SLC4A2: variants seen among roughly 807,000 people sequenced by gnomAD.
SLC4A2 encodes anion exchange protein 2.
A neutral mutation model predicts 115.0 loss-of-function variants in SLC4A2; 36 were observed. The ratio of observed to expected loss-of-function variants is 0.31; its 90% CI spans 0.24 to 0.41. SLC4A2 has a LOEUF of 0.41. Among genes scored for constraint, SLC4A2 ranks in the 10% least tolerant of loss-of-function variants. The pLI, the probability that SLC4A2 is intolerant of heterozygous loss-of-function variation, is 1.00. For synonymous variants in SLC4A2, 708 were observed against 708.3 expected (o/e 1.00, Z 0.01); for missense variants, 1,252 against 1,705.6 (o/e 0.73, Z 4.68).
At position 151,071,033 on chromosome 7, in the gene SLC4A2, T is replaced by C; in HGVS notation, c.1750-39T>C. ...CCTCAGCTCCAGGCCCTCAGCCCTCTTCTTTGTGCTCTCCCCCATCCCCAT... is the reference window on the plus strand; with the variant it reads ...CCTCAGCTCCAGGCCCTCAGCCCTCCTCTTTGTGCTCTCCCCCATCCCCAT... On this transcript the variant is annotated intron_variant, in intron 12 of 22. Transcript: ENST00000413384. The surrounding 1 kb of genome is among the most constrained non-coding windows in gnomAD (Gnocchi z 5.5). 1 of 1,606,094 alleles carries C rather than the reference T, an allele frequency of 6.2e-7. No homozygotes were observed. Among genetic ancestry groups the C allele is most frequent in the Non-Finnish European group, 8.5e-7 (1 of 1,175,016 alleles).
At chr7:151,063,260 G>A in intron 2 of SLC4A2, 1 of 1,194,878 alleles carries the variant, frequency 8.4e-7, no homozygotes. Flanking sequence ...GGGGGCCTGG[G>A]GGCTGGGGGA....
In SLC4A2 at chr7:151,074,390, C is replaced by T. The variant is rs1294714637; in HGVS notation, c.2791-9C>T. ...GGCAGGACTCTGAGCGCTGTGCCTG[C>T]CCACTCAGATCCGGCGGGTGATTGG... On this transcript the variant is annotated splice_polypyrimidine_tract_variant and intron_variant, in intron 17 of 22. Transcript: ENST00000413384. The T allele has an allele frequency of 5.0e-6, 8 of 1,613,516 alleles. No homozygotes were observed. The Admixed American group carries it at 1.0e-4, about 20-fold the overall frequency.
intron 1 of SLC4A2, chr7:151,061,227 GC>G: frequency 6.9e-6 from 1 of 144,838 alleles, no homozygotes; most frequent in Non-Finnish European, 1.5e-5. Context: ...ATAAAGCTCT[GC>G]CCAGCCCATG....
intron 18 of SLC4A2, 91 bp downstream of exon 18, chr7:151,074,579 T>C (rs1380850514): frequency 8.2e-6 from 13 of 1,586,042 alleles, no homozygotes; most frequent in Non-Finnish European, 1.7e-6. Context: ...AGCCTGTCCT[T>C]AAGCTTAAGC....
chr7:151,066,768 G>C lies in SLC4A2; in HGVS notation c.823+7G>C. ...GACCTAGACCTCATGAAGAGTAAGTGCTGGGCCTTGGCCAAGCCCGGCACT... is the reference window on the plus strand; with the variant it reads ...GACCTAGACCTCATGAAGAGTAAGTCCTGGGCCTTGGCCAAGCCCGGCACT... On this transcript the variant is annotated splice_region_variant and intron_variant, in intron 6 of 22. Transcript: ENST00000413384. 1.9e-6 allele frequency: 3 copies of C among 1,575,714 alleles called. No homozygotes were observed. Among genetic ancestry groups the C allele is most frequent in the Middle Eastern group, 1.7e-4 (1 of 6,006 alleles).
In SLC4A2 at chr7:151,071,108, G is replaced by C; in HGVS notation, c.1786G>C (p.Glu596Gln). 1 of 1,612,770 alleles carries C rather than the reference G, an allele frequency of 6.2e-7. No individual in the cohort carries two copies. The highest frequency in any genetic ancestry group is 8.5e-7 in the Non-Finnish European group (1 of 1,180,030). The change falls in exon 13 of 23, where the codon GAG becomes CAG. Residue 596 changes from glutamate (E) to glutamine (Q), a missense_variant. By Grantham distance (29) the Glu-to-Gln change is conservative. This residue lies in a region of SLC4A2 where 87 missense variants were observed against 170.3 expected (regional missense o/e 0.51). Transcript: ENST00000413384. This position sits in a 1 kb window ranked among gnomAD's most constrained non-coding sequence, Gnocchi z 5.5. ...HEAAYLADER[E>Q]DLLTAINAFL... ...GGCAGCCTACCTGGCTGACGAGCGG[G>C]AGGACCTGCTGACGGCCATCAACGC... is the stretch of plus-strand genomic sequence containing the variant.
chr7:151,074,833 G>C lies in SLC4A2; in HGVS notation c.3039G>C (p.Gln1013His). Reference protein sequence around the residue: ...LVFILIFMETQITTLIISKKE... With the variant: ...LVFILIFMETHITTLIISKKE... ...TCATTCTCATCTTCATGGAGACACA[G>C]ATCACCACGTGAGTGGTCCTAGCCA... The change falls in exon 19 of 23, where the codon CAG (glutamine) becomes CAC (histidine). Residue 1013 changes from glutamine to histidine, a missense_variant. Physicochemically the swap from Gln to His is conservative, Grantham distance 24. Around this residue, in one of 14 missense-constraint regions of SLC4A2, gnomAD observed 253 missense variants for 407.4 expected, o/e 0.62. Coordinates refer to ENST00000413384, the MANE Select transcript of SLC4A2 (RefSeq NM_003040.4). 6.2e-7 allele frequency: 1 copy of C among 1,608,530 alleles called. No individual in the cohort carries two copies. Among genetic ancestry groups the C allele is most frequent in the Non-Finnish European group, 8.5e-7 (1 of 1,177,712 alleles).
Position 151,074,134 on chromosome 7 carries a change from G to A in SLC4A2, c.2631G>A (p.Thr877=), listed in dbSNP as rs201175856. Reference sequence around the variant, plus strand: ...TGACATGGGCCGGGGCAAGACCCACGCTGGGGCCGGGCAACAGGAGCTTGG... The same window carrying A: ...TGACATGGGCCGGGGCAAGACCCACACTGGGGCCGGGCAACAGGAGCTTGG... ...ENMTWAGARP[T]LGPGNRSLAG... is the part of the protein sequence containing the mutation. The change falls in exon 17 of 23, where the codon ACG becomes ACA. Residue 877 remains threonine (T), a synonymous_variant. Coordinates refer to ENST00000413384, the MANE Select transcript of SLC4A2 (RefSeq NM_003040.4). 2.3e-5 allele frequency: 37 copies of A among 1,612,518 alleles called. No homozygotes were observed. Among genetic ancestry groups the A allele is most frequent in the African/African-American group, 8.0e-5 (6 of 75,046 alleles).
In SLC4A2 at chr7:151,062,079, C is replaced by G. The variant is rs746142136; in HGVS notation, c.51+41C>G. On this transcript the variant is annotated intron_variant, in intron 2 of 22. Coordinates refer to ENST00000413384, the MANE Select transcript of SLC4A2 (RefSeq NM_003040.4). ...AGGTCGCCAGCCCAACCTTCCCTCCCTGGGCAGCCTTGGGTGCTCCGGCCA... is the reference window on the plus strand; with the variant it reads ...AGGTCGCCAGCCCAACCTTCCCTCCGTGGGCAGCCTTGGGTGCTCCGGCCA... 4 of 1,575,562 alleles carry G rather than the reference C, an allele frequency of 2.5e-6. No homozygotes were observed. In the South Asian group the frequency reaches 3.4e-5, roughly 13 times the overall value.
At position 151,072,178 on chromosome 7, in the gene SLC4A2, G is replaced by A. The variant is rs201869345; in HGVS notation, c.2535+42G>A. The A allele has an allele frequency of 3.8e-5, 59 of 1,564,950 alleles. 1 individual carries two copies. The African/African-American group carries it at 6.9e-4, about 18-fold the overall frequency. ...CGAGAGCTGGGCCAGGAGGGCCGAG[G>A]TCTCAGGGCTGGAGGGAGTCTCTTG... On this transcript the variant is annotated intron_variant, in intron 16 of 22. Transcript: ENST00000413384.
At position 151,072,111 on chromosome 7, in the gene SLC4A2, A is replaced by G. The variant is rs1383012558; in HGVS notation, c.2510A>G (p.Tyr837Cys). Residue 837 changes from tyrosine (Y) to cysteine (C), a missense_variant, in exon 16 of 23, where the codon TAT becomes TGT. Physicochemically the swap from Tyr to Cys is radical, Grantham distance 194. Transcript: ENST00000413384. ...FAFLISLIFI[Y>C]ETFYKLVKIF... The stretch of plus-strand genomic sequence containing the variant: ...TTCTTGATCTCACTCATCTTCATCT[A>G]TGAGACCTTCTACAAGCTGGTGAAG... 2 of 1,613,630 alleles carry G rather than the reference A, an allele frequency of 1.2e-6. No individual in the cohort carries two copies. The highest frequency in any genetic ancestry group is 1.3e-5 in the African/African-American group (1 of 74,862).
rs1340497125 is a variant in SLC4A2 at position 151,074,337 on chromosome 7, G to C, written c.2790+44G>C. On this transcript the variant is annotated intron_variant, in intron 17 of 22. Transcript: ENST00000413384. Reference sequence around the variant, plus strand: ...CAAGAGGGGGTTAGGGGCAGGAAGGGGGGTGGCAGGAAGTCAGCGGCTGTG... The same window carrying C: ...CAAGAGGGGGTTAGGGGCAGGAAGGCGGGTGGCAGGAAGTCAGCGGCTGTG... The C allele has an allele frequency of 2.5e-6, 4 of 1,610,418 alleles. No individual in the cohort carries two copies. The Admixed American group carries it at 5.0e-5, about 20-fold the overall frequency.
At chr7:151,072,736 G>A (rs956531855) in intron 16 of SLC4A2, among the ~76,000 whole-genome samples, 1 of 149,920 alleles carries the variant, frequency 6.7e-6, no homozygotes, top group African/African-American at 2.5e-5. Flanking sequence ...TCTGCTCACT[G>A]CAACCTCTGC....
In SLC4A2 at chr7:151,070,744, T is replaced by C. The variant is rs2150374870; in HGVS notation, c.1582T>C (p.Ser528Pro). 1 of 1,613,588 alleles carries C rather than the reference T, an allele frequency of 6.2e-7. No homozygotes were observed. Among genetic ancestry groups the C allele is most frequent in the African/African-American group, 1.3e-5 (1 of 75,002 alleles). ...VVLVGCVEFLSRPTMAFVRLR... is the reference protein window; with the variant it reads ...VVLVGCVEFLPRPTMAFVRLR... ...GCCCCTAGGCTGCGTGGAGTTCCTC[T>C]CCCGCCCCACCATGGCCTTTGTGCG... Residue 528 changes from serine (S) to proline (P), a missense_variant, in exon 12 of 23, where the codon TCC becomes CCC. Transcript: ENST00000413384.
intron 7 of SLC4A2, among the ~76,000 whole-genome samples, chr7:151,067,242 C>T (rs781318753): frequency 3.3e-5 from 5 of 152,230 alleles, no homozygotes; most frequent in Middle Eastern, 3.2e-3. Flanking sequence ...GCACCTGCTA[C>T]GCCCAGCTAA....
intron 2 of SLC4A2, chr7:151,063,149 G>A (rs1334425991): frequency 3.3e-6 from 5 of 1,510,214 alleles, no homozygotes; most frequent in Middle Eastern, 2.0e-4. Flanking sequence ...CCTGCCGGCT[G>A]TGCCGGCCGG....
intron 2 of SLC4A2, chr7:151,062,658 C>T: frequency 6.6e-7 from 1 of 1,523,546 alleles, no homozygotes; most frequent in Non-Finnish European, 8.8e-7. Context: ...CCTCCTGCGG[C>T]CTCAGGTGCG....
chr7:151,076,068 T>C lies in SLC4A2; in HGVS notation c.3527T>C (p.Leu1176Pro). ...GCCCTGCAGCTGCTCTGCCTGGCCC[T>C]GCTCTGGGCCGTCATGTCCACAGCT... ...FTALQLLCLA[L>P]LWAVMSTAAS... Residue 1176 changes from leucine to proline, a missense_variant, in exon 22 of 23, where the codon CTG becomes CCG. Leu to Pro is a moderately conservative substitution (Grantham distance 98, BLOSUM62 -3). Around this residue, in one of 14 missense-constraint regions of SLC4A2, gnomAD observed 253 missense variants for 407.4 expected, o/e 0.62. Transcript: ENST00000413384. 6.2e-7 allele frequency: 1 copy of C among 1,611,870 alleles called. No homozygotes were observed. Among genetic ancestry groups the C allele is most frequent in the Non-Finnish European group, 8.5e-7 (1 of 1,179,944 alleles).
chr7:151,071,837 G>A lies in SLC4A2; in HGVS notation c.2340G>A (p.Ser780=). The A allele has an allele frequency of 1.2e-6, 2 of 1,600,990 alleles. No homozygotes were observed. The highest frequency in any genetic ancestry group is 1.7e-6 in the Non-Finnish European group (2 of 1,175,180). Residue 780 remains serine, a splice_region_variant and synonymous_variant, in exon 15 of 23, where the codon TCG becomes TCA. Coordinates refer to ENST00000413384, the MANE Select transcript of SLC4A2 (RefSeq NM_003040.4). The surrounding 1 kb of genome is among the most constrained non-coding windows in gnomAD (Gnocchi z 5.5). ...PLLVFEEAFF[S]FCSSNHLEYL... ...TGGTCTTTGAGGAGGCCTTCTTCTC[G>A]GTGAGGGCTCTTCTCGCCCATCTCC...
Sources: allele counts gnomAD v4.1 joint callset (sites outside exome capture counted in the v4.1 genomes callset), GRCh38; gene constraint gnomAD v4.1.1; regional missense constraint gnomAD v4.1.1; non-coding constraint Gnocchi (gnomAD v3.1); transcripts MANE v1.5; gene names NCBI Gene and HGNC (gene_info 2026-07-23, HGNC 2026-07-21).